RANBP2: variants seen among roughly 807,000 people sequenced by gnomAD.
RANBP2 encodes the protein E3 SUMO-protein ligase RanBP2.
A neutral mutation model predicts 303.6 loss-of-function variants in RANBP2; 57 were observed. The ratio of observed to expected loss-of-function variants is 0.19; its 90% CI spans 0.15 to 0.23. The LOEUF (loss-of-function observed/expected upper bound fraction) is 0.23. Ranked by LOEUF, RANBP2 falls within the 10% of genes least tolerant of loss-of-function variation. The pLI is 1.00. For synonymous variants in RANBP2, 1,167 were observed against 1,301.5 expected, an observed-to-expected ratio of 0.90 and a Z score of 2.23; for missense variants, 3,138 against 3,780.8, an observed-to-expected ratio of 0.83 and a Z score of 4.46.
At chr2:109,367,977 C>G in the RANBP2 span, among the ~76,000 whole-genome samples, 1 of 152,242 alleles carries the variant, frequency 6.6e-6, no homozygotes, top group East Asian at 1.9e-4. Flanking sequence ...TTATGTTTCT[C>G]ATTGCTAATT....
chr2:108,831,755 G>A, the RANBP2 span, among the ~76,000 whole-genome samples: 1 of 106,924 alleles, frequency 9.4e-6, no homozygotes, highest in African/African-American at 4.8e-5. Flanking sequence ...CTGTTGAAAC[G>A]AAGTTTCACT....
the RANBP2 span, among the ~76,000 whole-genome samples, chr2:109,220,070 G>T: frequency 1.6e-4 from 24 of 152,308 alleles, no homozygotes; most frequent in South Asian, 5.0e-3. Flanking sequence ...TAGCATAAGG[G>T]ATAGATATAT....
chr2:109,575,565 A>G, the RANBP2 span, among the ~76,000 whole-genome samples: 2 of 152,386 alleles, frequency 1.3e-5, no homozygotes, highest in South Asian at 2.1e-4. Context: ...GCATGTGCAG[A>G]GCAGTGTGCT....
chr2:109,045,510 C>A, the RANBP2 span, among the ~76,000 whole-genome samples: 2 of 152,186 alleles, frequency 1.3e-5, no homozygotes, highest in South Asian at 4.1e-4. Flanking sequence ...GGACAGCGAC[C>A]GCTCCCTCAT....
the RANBP2 span, among the ~76,000 whole-genome samples, chr2:108,955,930 G>T: frequency 1.3e-5 from 2 of 151,598 alleles, no homozygotes; most frequent in South Asian, 4.2e-4. Context: ...TCGGGAGGCT[G>T]AGGCAGAAGA....
At chr2:108,836,245 G>C in the RANBP2 span, among the ~76,000 whole-genome samples, 1 of 152,106 alleles carries the variant, frequency 6.6e-6, no homozygotes. Flanking sequence ...CATATGGATG[G>C]AATCATAATA....
At chr2:108,743,835 G>A (rs1463056854) in intron 7 of RANBP2, among the ~76,000 whole-genome samples, 1 of 152,162 alleles carries the variant, frequency 6.6e-6, no homozygotes. Flanking sequence ...ACCTACTTCA[G>A]TCTTTATTAA....
At chr2:108,969,334 C>T in the RANBP2 span, among the ~76,000 whole-genome samples, 2 of 152,056 alleles carry the variant, frequency 1.3e-5, no homozygotes, top group African/African-American at 4.8e-5. Flanking sequence ...CTTTCTTGGT[C>T]TTGTTCTTGC....
the RANBP2 span, chr2:109,616,286 C>T: frequency 7.6e-6 from 4 of 527,022 alleles, no homozygotes; most frequent in Non-Finnish European, 1.2e-5. Flanking sequence ...CTTCTCTGCC[C>T]TCCACTTCCC....
chr2:109,674,552 C>T, the RANBP2 span, among the ~76,000 whole-genome samples: 1 of 151,816 alleles, frequency 6.6e-6, no homozygotes, highest in African/African-American at 2.4e-5. Flanking sequence ...TGCTGCACTC[C>T]AGCCTTGGCG....
chr2:108,811,717 A>C, the RANBP2 span, among the ~76,000 whole-genome samples: 5 of 152,182 alleles, frequency 3.3e-5, no homozygotes, highest in African/African-American at 7.2e-5. Flanking sequence ...TCTTCACTCA[A>C]ATAGTGAACA....
the RANBP2 span, chr2:109,398,807 C>T: frequency 1.1e-5 from 18 of 1,613,876 alleles, no homozygotes; most frequent in Admixed American, 1.0e-4. Flanking sequence ...CTCAGTGTGA[C>T]GCACAGATCC....
the RANBP2 span, among the ~76,000 whole-genome samples, chr2:109,103,886 T>C: frequency 1.3e-4 from 19 of 151,682 alleles, no homozygotes; most frequent in African/African-American, 4.6e-4. Flanking sequence ...CTCTGCCTCC[T>C]GAGTTCACAC....
intron 7 of RANBP2, among the ~76,000 whole-genome samples, chr2:108,746,096 A>G (rs191822634): frequency 1.3e-3 from 195 of 151,202 alleles, no homozygotes; most frequent in Non-Finnish European, 2.5e-3. Context: ...TTTTTTAGAG[A>G]TAGGGTCTCA....
At chr2:108,734,617 T>G (rs1695423295) in intron 4 of RANBP2, among the ~76,000 whole-genome samples, 1 of 152,056 alleles carries the variant, frequency 6.6e-6, no homozygotes. Context: ...TTACAGGTGT[T>G]TAAAACTTGA....
At chr2:109,340,857 G>A in the RANBP2 span, among the ~76,000 whole-genome samples, 1 of 152,032 alleles carries the variant, frequency 6.6e-6, no homozygotes, top group African/African-American at 2.4e-5. Flanking sequence ...CTGCTTTGAT[G>A]CAACAGGGAA....
chr2:109,297,971 G>A, the RANBP2 span, among the ~76,000 whole-genome samples: 2 of 152,156 alleles, frequency 1.3e-5, no homozygotes, highest in African/African-American at 4.8e-5. Flanking sequence ...AACCAGGCCA[G>A]TGCCCCAGGC....
the RANBP2 span, among the ~76,000 whole-genome samples, chr2:109,006,998 A>C: frequency 6.6e-6 from 1 of 152,216 alleles, no homozygotes; most frequent in Non-Finnish European, 1.5e-5. Flanking sequence ...GTTGTGAGAC[A>C]ATTGTAGGGG....
chr2:109,420,715 G>A, the RANBP2 span, among the ~76,000 whole-genome samples: 2 of 152,138 alleles, frequency 1.3e-5, no homozygotes, highest in Admixed American at 6.5e-5. Context: ...TAAATGCTGG[G>A]ATTACAGGCA....
Sources: allele counts gnomAD v4.1 joint callset (sites outside exome capture counted in the v4.1 genomes callset), GRCh38; gene constraint gnomAD v4.1.1; transcripts MANE v1.5; gene names NCBI Gene and HGNC (gene_info 2026-07-23, HGNC 2026-07-21).